The following GXYLT1 variants were observed in gnomAD, a reference collection of about 807,000 sequenced individuals.
GXYLT1 encodes the protein glycosyltransferase 8 domain containing 3.
A neutral mutation model predicts 54.0 loss-of-function variants in GXYLT1; 29 were observed. The observed-to-expected ratio is 0.54, with a 90% CI of 0.40 to 0.73. GXYLT1 has a LOEUF of 0.73. Among genes scored for constraint, GXYLT1 ranks in the 30% least tolerant of loss-of-function variants. The pLI, the probability that GXYLT1 is intolerant of heterozygous loss-of-function variation, is 0.00. For synonymous variants in GXYLT1, 176 were observed against 204.1 expected (o/e 0.86, Z 1.17); for missense variants, 490 against 553.4 (o/e 0.89, Z 1.15).
rs574466186 is a variant in GXYLT1 at position 42,105,599 on chromosome 12, T to C, written c.864+219A>G. Among the ~76,000 whole-genome samples, 28 of 152,314 alleles carry C rather than the reference T, an allele frequency of 1.8e-4. No individual in the cohort carries two copies. In the South Asian group the frequency reaches 5.8e-3, roughly 32 times the overall value. On this transcript the variant is annotated intron_variant, in intron 5 of 7. Coordinates refer to ENST00000398675, the MANE Select transcript of GXYLT1 (RefSeq NM_173601.2). ...AGGGCATTGTTATTTTACTCCATTG[T>C]CATGTCATCTGGTTTGACCTATTGT...
intron 5 of GXYLT1, among the ~76,000 whole-genome samples, chr12:42,104,255 ATT>A (rs11390703): frequency 6.7e-6 from 1 of 148,996 alleles, no homozygotes. Context: ...GAGAAGTCAC[ATT>A]TTTTTTTTTT....
chr12:42,092,579 C>G (rs181709342), intron 7 of GXYLT1, among the ~76,000 whole-genome samples: 69 of 151,996 alleles, frequency 4.5e-4, no homozygotes, highest in Admixed American at 5.9e-4. Flanking sequence ...CTAATAAGAA[C>G]AAGAAGAAAA....
In GXYLT1 at chr12:42,082,250, C is replaced by CT. The variant is rs1465402840; in HGVS notation, c.*5535dup. ...AGGAACAGGTGCAAACCACCATCCTCTTCACAGATCTTCTGTTACGGCAAC... is the reference window on the plus strand; with the variant it reads ...AGGAACAGGTGCAAACCACCATCCTCTTTCACAGATCTTCTGTTACGGCAAC... On this transcript the variant is annotated 3_prime_UTR_variant, in exon 8 of 8. Coordinates refer to ENST00000398675, the MANE Select transcript of GXYLT1 (RefSeq NM_173601.2). 1 of 152,214 alleles carries CT rather than the reference C, an allele frequency of 6.6e-6. No individual in the cohort carries two copies. Among genetic ancestry groups the CT allele is most frequent in the Admixed American group, 6.5e-5 (1 of 15,278 alleles). 9.4% of individuals were successfully genotyped at this position (152,214 alleles called of 1,614,324 possible).
At chr12:42,116,680 G>A (rs2065497645) in intron 3 of GXYLT1, among the ~76,000 whole-genome samples, 1 of 152,276 alleles carries the variant, frequency 6.6e-6, no homozygotes, top group Admixed American at 6.5e-5. Context: ...ACTGTTGGTG[G>A]GACTGTAAAC....
At chr12:42,096,681 T>C (rs867149633) in intron 7 of GXYLT1, among the ~76,000 whole-genome samples, 5 of 152,194 alleles carry the variant, frequency 3.3e-5, no homozygotes, top group Admixed American at 2.0e-4. Context: ...GAACCAACGA[T>C]AGATGCTAAA....
At chr12:42,128,678 A>C (rs2065577236) in intron 2 of GXYLT1, among the ~76,000 whole-genome samples, 1 of 152,206 alleles carries the variant, frequency 6.6e-6, no homozygotes, top group African/African-American at 2.4e-5. Context: ...CGTGTGGCAA[A>C]TATAATGAGT....
chr12:42,087,995 A>G (rs749894191), intron 7 of GXYLT1, 48 bp from the exon 8 acceptor site: 5 of 985,440 alleles, frequency 5.1e-6, no homozygotes, highest in South Asian at 1.8e-5. Flanking sequence ...AGGCAAAGGT[A>G]CATATGTAAG....
At chr12:42,115,873 C>A (rs1339339808) in intron 3 of GXYLT1, among the ~76,000 whole-genome samples, 2 of 132,054 alleles carry the variant, frequency 1.5e-5, no homozygotes, top group Non-Finnish European at 3.4e-5. Context: ...TACCTGACTT[C>A]AAACTATACT....
chr12:42,107,477 G>A (rs930529763), intron 4 of GXYLT1, among the ~76,000 whole-genome samples: 25 of 152,176 alleles, frequency 1.6e-4, no homozygotes, highest in African/African-American at 5.8e-4. Flanking sequence ...GATCACCTGA[G>A]GTCAGGGCTT....
Position 42,083,361 on chromosome 12 carries a change from A to G in GXYLT1, c.*4425T>C, listed in dbSNP as rs1004763970. ...TAAAAGAATAACTGTTATAATACAA[A>G]TCTTTATTTAATCTACTTTATTAAA... On this transcript the variant is annotated 3_prime_UTR_variant, in exon 8 of 8. Coordinates refer to ENST00000398675, the MANE Select transcript of GXYLT1 (RefSeq NM_173601.2). 6.6e-6 allele frequency: 1 copy of G among 152,074 alleles called. No homozygotes were observed. Among genetic ancestry groups the G allele is most frequent in the Non-Finnish European group, 1.5e-5 (1 of 67,974 alleles). 9.4% of individuals were successfully genotyped at this position (152,074 alleles called of 1,614,324 possible).
At chr12:42,093,563 C>A (rs573809948) in intron 7 of GXYLT1, among the ~76,000 whole-genome samples, 1 of 152,094 alleles carries the variant, frequency 6.6e-6, no homozygotes, top group Non-Finnish European at 1.5e-5. Context: ...AAATAGTGTG[C>A]TATTAGTGTA....
intron 5 of GXYLT1, among the ~76,000 whole-genome samples, chr12:42,104,475 C>T (rs750483144): frequency 7.3e-5 from 11 of 151,716 alleles, no homozygotes; most frequent in Non-Finnish European, 1.0e-4. Context: ...TTACCTAACA[C>T]TGGGCTTATT....
rs59222953 is a variant in GXYLT1, at chr12:42,098,786, A to AT, written c.865-754dup. On this transcript the variant is annotated intron_variant, in intron 5 of 7. Coordinates refer to ENST00000398675, the MANE Select transcript of GXYLT1 (RefSeq NM_173601.2). Reference sequence around the variant, plus strand: ...ATATATATATATATATATATATATAATACATGTGTGTGTATATATACATGT... The same window carrying AT: ...ATATATATATATATATATATATATAATTACATGTGTGTGTATATATACATGT... Among the ~76,000 whole-genome samples, 82 of 52,316 alleles carry AT rather than the reference A, an allele frequency of 1.6e-3. 2 individuals carry two copies. The highest frequency in any genetic ancestry group is 2.5e-3 in the Non-Finnish European group (65 of 25,970). The allele number at this position is 52,316 out of a possible 152,430, so 34.3% of individuals were successfully genotyped here. A position where few individuals can be genotyped will look rare whatever the true frequency, so the allele number is the denominator to read the frequency against.
Position 42,092,626 on chromosome 12 carries a change from G to A in GXYLT1, c.1162-4679C>T, listed in dbSNP as rs1246483886. Among the ~76,000 whole-genome samples the A allele has an allele frequency of 2.0e-5, 3 of 151,992 alleles. No homozygotes were observed. In the East Asian group the frequency reaches 5.8e-4, roughly 29 times the overall value. ...CAACTGGGGGATGGGGGAGAGAGGG[G>A]CAGTATAATTTTTTTCCAAACTCAT... On this transcript the variant is annotated intron_variant, in intron 7 of 7. Transcript: ENST00000398675.
intron 3 of GXYLT1, among the ~76,000 whole-genome samples, chr12:42,115,791 T>C (rs1361388673): frequency 6.6e-6 from 1 of 151,526 alleles, no homozygotes; most frequent in African/African-American, 2.4e-5. Flanking sequence ...TTAAAGTTCA[T>C]ATGGAACCAA....
At chr12:42,130,323 G>A (rs1400400616) in intron 1 of GXYLT1, among the ~76,000 whole-genome samples, 1 of 152,094 alleles carries the variant, frequency 6.6e-6, no homozygotes, top group Non-Finnish European at 1.5e-5. Context: ...TACTTGTATG[G>A]TGTTTTAAAC....
intron 1 of GXYLT1, among the ~76,000 whole-genome samples, chr12:42,132,590 C>T (rs1249597671): frequency 2.0e-5 from 3 of 152,090 alleles, no homozygotes; most frequent in Non-Finnish European, 4.4e-5. Flanking sequence ...GAAAAGTTAA[C>T]GTGTATGTTG....
chr12:42,106,875 A>C (rs775315592), intron 4 of GXYLT1, among the ~76,000 whole-genome samples: 2 of 150,974 alleles, frequency 1.3e-5, no homozygotes, highest in Non-Finnish European at 2.9e-5. Flanking sequence ...CCTCCTGAGT[A>C]ACTGGGATTA....
At chr12:42,133,275 C>A (rs984759918) in intron 1 of GXYLT1, among the ~76,000 whole-genome samples, 5 of 152,102 alleles carry the variant, frequency 3.3e-5, no homozygotes, top group African/African-American at 1.2e-4. Context: ...AAGACTCTGT[C>A]TCAAAAAACC....
Sources: gnomAD v4.1 joint callset for allele counts (sites outside exome capture counted in the v4.1 genomes callset) on GRCh38, gnomAD v4.1.1 for gene constraint, MANE v1.5 for transcripts, NCBI Gene and HGNC (gene_info 2026-07-23, HGNC 2026-07-21) for gene names.